Variants in CYP2A6 observed in about 807,000 individuals in gnomAD.
CYP2A6 encodes cytochrome P450 family 2 subfamily A member 6.
Under a neutral mutation model 42.3 loss-of-function variants are expected in CYP2A6, and 27 were observed. The observed-to-expected ratio is 0.64, with a 90% CI of 0.47 to 0.88. CYP2A6 has a LOEUF of 0.88. CYP2A6 is among the 40% of genes least tolerant of loss of function. The pLI, the probability that CYP2A6 is intolerant of heterozygous loss-of-function variation, is 0.00. For missense variants in CYP2A6, 628 were observed against 646.0 expected (o/e 0.97, Z 0.30); for synonymous variants, 238 against 246.3 (o/e 0.97, Z 0.31).
Position 40,845,061 on chromosome 19 carries a change from T to C in CYP2A6, c.1161+233A>G, listed in dbSNP as rs1295617950. 3 of 655,682 alleles carry C rather than the reference T, an allele frequency of 4.6e-6. No homozygotes were observed. The African/African-American group carries it at 5.5e-5, about 12-fold the overall frequency. 40.6% of individuals were successfully genotyped at this position (655,682 alleles called of 1,614,324 possible). A position where few individuals can be genotyped will look rare whatever the true frequency, so the allele number is the denominator to read the frequency against. On this transcript the variant is annotated intron_variant, in intron 7 of 8. Coordinates refer to ENST00000301141, the MANE Select transcript of CYP2A6 (RefSeq NM_000762.6). ...GAAAGGGGGCTTCTGTTTCTTAAGA[T>C]AGGAAGTTTGGGAACATGTGTTTGA...
At chr19:40,845,817 C>T in intron 6 of CYP2A6, 139 bp downstream of exon 6, 10 of 1,322,648 alleles carry the variant, frequency 7.6e-6, no homozygotes, top group Non-Finnish European at 9.3e-6. Flanking sequence ...TGATGCCTAC[C>T]AGCTGAATGT....
chr19:40,850,020 C>G, intron 1 of CYP2A6, 40 bp from the exon 2 acceptor site: 2 of 1,606,028 alleles, frequency 1.2e-6, no homozygotes, highest in South Asian at 1.1e-5. Flanking sequence ...GGAGAAGCCT[C>G]CACTCTGAAT....
rs8192723 is a variant in CYP2A6 at position 40,850,149 on chromosome 19, C to T, written c.180+98G>A. On this transcript the variant is annotated intron_variant, in intron 1 of 8. Coordinates refer to ENST00000301141, the MANE Select transcript of CYP2A6 (RefSeq NM_000762.6). ...TGCTGAAACTCCAAAACTCCATTTC[C>T]TAAGACTCTGGTCCACACTGGTCAA... The T allele has an allele frequency of 1.9e-5, 29 of 1,540,678 alleles. 5 individuals are homozygous for T. The East Asian group carries it at 6.8e-4, about 36-fold the overall frequency.
intron 6 of CYP2A6, 34 bp downstream of exon 6, chr19:40,845,921 TG>T (rs1230115356): frequency 1.2e-6 from 2 of 1,605,752 alleles, no homozygotes; most frequent in Non-Finnish European, 1.7e-6. Context: ...TTTGAGGGTC[TG>T]GGGCCCTCCA....
chr19:40,847,598 C>G (rs886703056), intron 4 of CYP2A6, among the ~76,000 whole-genome samples: 12 of 151,590 alleles, frequency 7.9e-5, no homozygotes, highest in African/African-American at 2.9e-4. Context: ...ACTGGGAGCA[C>G]CTCTGTAAGG....
Position 40,844,714 on chromosome 19 carries a change from T to C in CYP2A6, c.1220A>G (p.Asn407Ser). Residue 407 changes from asparagine to serine, a missense_variant, in exon 8 of 9, where the codon AAC becomes AGC. Asn to Ser is a conservative substitution (Grantham distance 46, BLOSUM62 1). Coordinates refer to ENST00000301141, the MANE Select transcript of CYP2A6 (RefSeq NM_000762.6). Reference sequence around the variant, plus strand: ...GTGCTGGGGATTGAAGTCCTGGGGGTTGGAGAAGAAACTGGGGTCTCTCAG... The same window carrying C: ...GTGCTGGGGATTGAAGTCCTGGGGGCTGGAGAAGAAACTGGGGTCTCTCAG... ...SVLRDPSFFS[N>S]PQDFNPQHFL... is the part of the protein sequence containing the mutation. 5 of 1,611,374 alleles carry C rather than the reference T, an allele frequency of 3.1e-6. No homozygotes were observed. The highest frequency in any genetic ancestry group is 4.2e-6 in the Non-Finnish European group (5 of 1,179,810).
At chr19:40,850,102 T>C in intron 1 of CYP2A6, 122 bp from the exon 2 acceptor site, 3 of 1,532,458 alleles carry the variant, frequency 2.0e-6, no homozygotes, top group Non-Finnish European at 2.6e-6. Flanking sequence ...GAGCTGGACA[T>C]CCCAAGATCC....
Position 40,845,406 on chromosome 19 carries a change from G to C in CYP2A6, c.1049C>G (p.Pro350Arg). The change falls in exon 7 of 9, where the codon CCC becomes CGC. Residue 350 changes from proline (P) to arginine (R), a missense_variant. Pro to Arg is a moderately radical substitution (Grantham distance 103). Around this residue, in one of 2 missense-constraint regions of CYP2A6, gnomAD observed 606 missense variants for 568.1 expected, o/e 1.07. Transcript: ENST00000301141. ...CTCGTGGATCACTGCCTCCATGTAG[G>C]GCATCTTGGCCCGGTCCTCAAACTT... is the stretch of plus-strand genomic sequence containing the variant. ...QPKFEDRAKMPYMEAVIHEIQ... is the reference protein window; with the variant it reads ...QPKFEDRAKMRYMEAVIHEIQ... The C allele has an allele frequency of 3.1e-6, 5 of 1,611,746 alleles. No individual in the cohort carries two copies. Among genetic ancestry groups the C allele is most frequent in the Non-Finnish European group, 4.2e-6 (5 of 1,179,912 alleles).
At chr19:40,844,810 TC>T in intron 7 of CYP2A6, 38 bp from the exon 8 acceptor site, 2 of 1,588,348 alleles carry the variant, frequency 1.3e-6, no homozygotes, top group Non-Finnish European at 1.7e-6. Context: ...ATGAGGAGGG[TC>T]GGGGGATTGG....
At chr19:40,846,819 G>A in intron 5 of CYP2A6, 56 bp downstream of exon 5, 1 of 1,596,864 alleles carries the variant, frequency 6.3e-7, no homozygotes, top group African/African-American at 1.3e-5. Context: ...CCCACTCCCA[G>A]ACTGATTTCC....
At chr19:40,845,838 C>T in intron 6 of CYP2A6, 118 bp downstream of exon 6, 4 of 1,475,108 alleles carry the variant, frequency 2.7e-6, no homozygotes. Flanking sequence ...TGCCCTGTCT[C>T]TGGACAGCAA....
Position 40,850,442 on chromosome 19 carries a change from A to G in CYP2A6, c.-16T>C. ...AGGCCAGCATGGTGGTAGTGGGATG[A>G]TAGATGGTGACGGCTGGGGTGGTTT... On this transcript the variant is annotated 5_prime_UTR_variant, in exon 1 of 9. Transcript: ENST00000301141. The G allele has an allele frequency of 6.2e-7, 1 of 1,603,696 alleles. No individual in the cohort carries two copies. Among genetic ancestry groups the G allele is most frequent in the Non-Finnish European group, 8.5e-7 (1 of 1,174,588 alleles).
chr19:40,850,255 G>A lies in CYP2A6; in HGVS notation c.172C>T (p.Leu58Phe). The change falls in exon 1 of 9, where the codon CTC (leucine) becomes TTC (phenylalanine). Residue 58 changes from leucine (L) to phenylalanine (F), a missense_variant. Leu to Phe is a conservative substitution (Grantham distance 22). Around this residue, in one of 2 missense-constraint regions of CYP2A6, gnomAD observed 606 missense variants for 568.1 expected, o/e 1.07. Coordinates refer to ENST00000301141, the MANE Select transcript of CYP2A6 (RefSeq NM_000762.6). ...TCCCTGCCTTGGGACACCTTCATGA[G>A]GGAGTTGTACATCTGCTCTGTGTTC... ...QLNTEQMYNS[L>F]MKISERYGPV... 1 of 1,608,328 alleles carries A rather than the reference G, an allele frequency of 6.2e-7. No homozygotes were observed. Among genetic ancestry groups the A allele is most frequent in the South Asian group, 1.1e-5 (1 of 90,496 alleles).
chr19:40,848,729 C>T lies in CYP2A6; in HGVS notation c.378G>A (p.Gln126=), dbSNP rs537280653. 14 of 1,611,730 alleles carry T rather than the reference C, an allele frequency of 8.7e-6. 1 individual carries two copies. Among genetic ancestry groups the T allele is most frequent in the South Asian group, 2.2e-5 (2 of 90,908 alleles). ...GGGTGGCGATGGAGAAGCGCCGGAG[C>T]TGCTTGGCGCGCTCCCCGTTGCTGA... The part of the protein sequence containing the change: ...VVFSNGERAK[Q]LRRFSIATLR... Residue 126 remains glutamine (Q), a synonymous_variant, in exon 3 of 9, where the codon CAG becomes CAA. Coordinates refer to ENST00000301141, the MANE Select transcript of CYP2A6 (RefSeq NM_000762.6).
intron 2 of CYP2A6, among the ~76,000 whole-genome samples, chr19:40,848,995 A>AG (rs1460956017): frequency 9.1e-6 from 1 of 109,934 alleles, no homozygotes; most frequent in Non-Finnish European, 1.8e-5. Context: ...GAGGAGAGAG[A>AG]GAGAGAGAGA....
intron 4 of CYP2A6, 124 bp from the exon 5 acceptor site, chr19:40,847,175 G>A: frequency 7.1e-7 from 1 of 1,414,480 alleles, no homozygotes; most frequent in Non-Finnish European, 9.5e-7. Context: ...CGTTGTTTAG[G>A]TATTTCAGTG....
rs894348428 is a variant in CYP2A6 at position 40,848,693 on chromosome 19, G to T, written c.414C>A (p.Phe138Leu). 7 of 1,611,948 alleles carry T rather than the reference G, an allele frequency of 4.3e-6. No homozygotes were observed. The highest frequency in any genetic ancestry group is 5.9e-6 in the Non-Finnish European group (7 of 1,179,896). ...CCTCGATGCCTCGCTTGCCCACCCC[G>T]AAGTCCCGCAGGGTGGCGATGGAGA... ...RRFSIATLRD[F>L]GVGKRGIEER... The change falls in exon 3 of 9, where the codon TTC becomes TTA. Residue 138 changes from phenylalanine (F) to leucine (L), a missense_variant. By Grantham distance (22) the Phe-to-Leu change is conservative. Coordinates refer to ENST00000301141, the MANE Select transcript of CYP2A6 (RefSeq NM_000762.6).
chr19:40,846,706 T>C (rs988277691), intron 5 of CYP2A6, among the ~76,000 whole-genome samples, 169 bp downstream of exon 5: 5 of 151,420 alleles, frequency 3.3e-5, no homozygotes, highest in Non-Finnish European at 4.4e-5. Context: ...TGCCTCGGCC[T>C]CCCAAAGTGC....
At chr19:40,844,973 T>C (rs1213348036) in intron 7 of CYP2A6, 1 of 728,030 alleles carries the variant, frequency 1.4e-6, no homozygotes, top group Non-Finnish European at 2.2e-6. Flanking sequence ...ATGGGGTCCA[T>C]GTCCTTCTAG....
Sources: allele counts gnomAD v4.1 joint callset (sites outside exome capture counted in the v4.1 genomes callset), GRCh38; gene constraint gnomAD v4.1.1; regional missense constraint gnomAD v4.1.1; transcripts MANE v1.5; gene names NCBI Gene and HGNC (gene_info 2026-07-23, HGNC 2026-07-21).